Variants in EEFSEC observed in about 807,000 individuals in gnomAD.
EEFSEC encodes selenocysteine-specific elongation factor.
A neutral mutation model predicts 42.1 loss-of-function variants in EEFSEC; 43 were observed. The ratio of observed to expected loss-of-function variants is 1.02; its 90% CI spans 0.80 to 1.32. The LOEUF is 1.32. EEFSEC is among the 40% of genes most tolerant of loss of function. EEFSEC has a pLI of 0.00. For synonymous variants in EEFSEC, 354 were observed against 339.1 expected (o/e 1.04, Z -0.48); for missense variants, 745 against 803.6 (o/e 0.93, Z 0.88).
downstream of EEFSEC, among the ~76,000 whole-genome samples, chr3:128,413,260 G>A (rs922984055): frequency 2.0e-5 from 3 of 152,152 alleles, no homozygotes; most frequent in Admixed American, 6.5e-5. Context: ...GGAGAGGTAC[G>A]TTTGGGAAGA....
intron 1 of EEFSEC, among the ~76,000 whole-genome samples, chr3:128,162,368 C>T (rs2065197580): frequency 6.6e-6 from 1 of 152,230 alleles, no homozygotes; most frequent in Non-Finnish European, 1.5e-5. Context: ...TCAATAGAGT[C>T]TGCCTCACTC....
At chr3:128,215,318 C>G (rs576503884) in intron 1 of EEFSEC, among the ~76,000 whole-genome samples, 2 of 152,200 alleles carry the variant, frequency 1.3e-5, no homozygotes, top group African/African-American at 4.8e-5. Flanking sequence ...GGGGAAGGAA[C>G]CTGGGTCTGA....
chr3:128,262,737 T>C (rs1466908488), intron 3 of EEFSEC, among the ~76,000 whole-genome samples: 1 of 152,344 alleles, frequency 6.6e-6, no homozygotes, highest in East Asian at 1.9e-4. Flanking sequence ...GCTGTGGGGC[T>C]GAGGCCCAGG....
downstream of EEFSEC, among the ~76,000 whole-genome samples, chr3:128,411,148 G>A (rs921303640): frequency 2.6e-5 from 4 of 152,230 alleles, no homozygotes; most frequent in Non-Finnish European, 4.4e-5. Context: ...TAGCCGGGAC[G>A]GTGGGCAGGA....
At chr3:128,267,942 A>G (rs924264726) in intron 4 of EEFSEC, among the ~76,000 whole-genome samples, 8 of 152,274 alleles carry the variant, frequency 5.3e-5, no homozygotes, top group African/African-American at 1.4e-4. Context: ...GACTTGACAA[A>G]TGAATAAAAA....
intron 1 of EEFSEC, among the ~76,000 whole-genome samples, chr3:128,155,924 T>C (rs568599579): frequency 6.6e-6 from 1 of 152,338 alleles, no homozygotes; most frequent in East Asian, 1.9e-4. Context: ...CAGGTGAATT[T>C]CAAGGGGCAC....
At chr3:128,165,627 G>T (rs928580706) in intron 1 of EEFSEC, among the ~76,000 whole-genome samples, 18 of 152,190 alleles carry the variant, frequency 1.2e-4, no homozygotes, top group African/African-American at 4.1e-4. Context: ...CTTGTCTTGA[G>T]GCCTTCAGGA....
intron 5 of EEFSEC, among the ~76,000 whole-genome samples, chr3:128,350,226 G>A (rs1448494151): frequency 1.3e-5 from 2 of 152,260 alleles, no homozygotes; most frequent in Admixed American, 6.5e-5. Context: ...GCACCAGGGA[G>A]CGTGCTGGCC....
intron 4 of EEFSEC, among the ~76,000 whole-genome samples, chr3:128,323,286 A>T (rs1366813591): frequency 6.6e-6 from 1 of 152,164 alleles, no homozygotes; most frequent in Non-Finnish European, 1.5e-5. Context: ...CTGCTGGCAG[A>T]AGCCGAGCCT....
intron 4 of EEFSEC, among the ~76,000 whole-genome samples, chr3:128,295,413 G>A (rs2066692307): frequency 9.2e-6 from 1 of 109,102 alleles, no homozygotes; most frequent in Non-Finnish European, 1.9e-5. Context: ...CCCCTTTTGT[G>A]ATCTTTACTT....
At chr3:128,378,789 C>G (rs765733904) in intron 6 of EEFSEC, among the ~76,000 whole-genome samples, 13 of 152,220 alleles carry the variant, frequency 8.5e-5, no homozygotes, top group Non-Finnish European at 1.5e-4. Flanking sequence ...TGTTCCCAGA[C>G]AGCTCATCCC....
At chr3:128,161,073 TGTCAGAAC>T (rs1275113810) in intron 1 of EEFSEC, among the ~76,000 whole-genome samples, 1 of 152,172 alleles carries the variant, frequency 6.6e-6, no homozygotes, top group Non-Finnish European at 1.5e-5. Context: ...AGTTAGTAAG[TGTCAGAAC>T]TAGGTTTGAA....
intron 5 of EEFSEC, among the ~76,000 whole-genome samples, chr3:128,356,621 G>T (rs1435772225): frequency 2.6e-5 from 4 of 152,200 alleles, no homozygotes; most frequent in African/African-American, 9.7e-5. Flanking sequence ...TTTGTAAACA[G>T]GTGATGCATT....
chr3:128,178,274 A>G (rs1247542943), intron 1 of EEFSEC, among the ~76,000 whole-genome samples: 1 of 152,226 alleles, frequency 6.6e-6, no homozygotes, highest in Non-Finnish European at 1.5e-5. Flanking sequence ...AAAATGAAAC[A>G]TTTAAATACC....
chr3:128,168,641 C>T (rs1213441964), intron 1 of EEFSEC, among the ~76,000 whole-genome samples: 1 of 152,228 alleles, frequency 6.6e-6, no homozygotes, highest in Non-Finnish European at 1.5e-5. Context: ...TCACAGGAAG[C>T]CCAAGACACC....
intron 5 of EEFSEC, among the ~76,000 whole-genome samples, chr3:128,351,982 G>T (rs2067391306): frequency 6.6e-6 from 1 of 152,214 alleles, no homozygotes. Flanking sequence ...CACAATGATT[G>T]ATTTCAAAAT....
intron 1 of EEFSEC, among the ~76,000 whole-genome samples, chr3:128,232,276 A>C (rs1168871066): frequency 1.3e-5 from 2 of 152,228 alleles, no homozygotes; most frequent in East Asian, 3.8e-4. Flanking sequence ...TACGAACCTC[A>C]AAGAATTTAA....
At chr3:128,400,922 G>C (rs2068041405) in intron 6 of EEFSEC, among the ~76,000 whole-genome samples, 1 of 152,202 alleles carries the variant, frequency 6.6e-6, no homozygotes, top group African/African-American at 2.4e-5. Context: ...GGCCCTGGGA[G>C]AGTGTCTCCA....
At chr3:128,277,977 G>A (rs986360393) in intron 4 of EEFSEC, among the ~76,000 whole-genome samples, 1 of 152,198 alleles carries the variant, frequency 6.6e-6, no homozygotes, top group Non-Finnish European at 1.5e-5. Context: ...TAAAAGGAAG[G>A]CATTTGGCAT....
Sources: allele counts gnomAD v4.1 joint callset (sites outside exome capture counted in the v4.1 genomes callset), GRCh38; gene constraint gnomAD v4.1.1; transcripts MANE v1.5; gene names NCBI Gene and HGNC (gene_info 2026-07-23, HGNC 2026-07-21).